The following VPS13C variants were observed in gnomAD, a reference collection of about 807,000 sequenced individuals.
VPS13C encodes vacuolar protein sorting 13 homolog C.
In VPS13C, 358 loss-of-function variants were observed where a neutral mutation model predicts 456.8. That is an observed-to-expected ratio of 0.78 (90% CI 0.72 to 0.86). The LOEUF (loss-of-function observed/expected upper bound fraction) is 0.86, where lower values mean the gene tolerates loss of function less well. Ranked by LOEUF, VPS13C falls within the 40% of genes least tolerant of loss-of-function variation. The pLI is 0.00. For synonymous variants in VPS13C, 1,578 were observed against 1,486.7 expected (o/e 1.06, Z -1.41); for missense variants, 4,818 against 4,385.4 (o/e 1.10, Z -2.79).
chr15:61,957,807 AGTGCT>A (rs2045057672), intron 37 of VPS13C, among the ~76,000 whole-genome samples: 1 of 152,156 alleles, frequency 6.6e-6, no homozygotes, highest in Non-Finnish European at 1.5e-5. Flanking sequence ...AAAAATGTCT[AGTGCT>A]AGGAACTTGC....
intron 47 of VPS13C, among the ~76,000 whole-genome samples, chr15:61,939,235 C>G (rs1240907355): frequency 6.6e-6 from 1 of 152,038 alleles, no homozygotes; most frequent in Non-Finnish European, 1.5e-5. Context: ...AAGGGAGAGC[C>G]AAATATTAGT....
rs1190679684 is a variant in VPS13C, at chr15:62,044,200, A to C, written c.144+12T>G. 6.8e-7 allele frequency: 1 copy of C among 1,477,566 alleles called. No individual in the cohort carries two copies. The allele number at this position is 1,477,566 out of a possible 1,614,324, so 91.5% of individuals were successfully genotyped here. On this transcript the variant is annotated intron_variant, in intron 2 of 84. Coordinates refer to ENST00000644861, the MANE Select transcript of VPS13C (RefSeq NM_020821.3). ...TTAAGTGAGTTATTAGCATAGTTTA[A>C]AAAAAACTTACCAGGGCATTTTCTT...
At chr15:61,998,426 G>C (rs370016301) in intron 16 of VPS13C, among the ~76,000 whole-genome samples, 12 of 152,100 alleles carry the variant, frequency 7.9e-5, no homozygotes, top group African/African-American at 2.9e-4. Context: ...TAATGCAAAT[G>C]ATAATGACAA....
chr15:61,923,861 C>CTTTTTTTTTTTTTTTTT (rs1188960583), intron 53 of VPS13C, among the ~76,000 whole-genome samples: 1 of 75,144 alleles, frequency 1.3e-5, no homozygotes, highest in Non-Finnish European at 2.4e-5. Flanking sequence ...CCCTCTAAAT[C>CTTTTTTTTTTTTTTTTT]TTTTTTTTTT....
At chr15:61,902,806 T>C (rs2043040434) in intron 66 of VPS13C, among the ~76,000 whole-genome samples, 1 of 151,650 alleles carries the variant, frequency 6.6e-6, no homozygotes, top group Non-Finnish European at 1.5e-5. Flanking sequence ...ATGCCCACTT[T>C]CACCATTTTT....
rs1366843442 is a variant in VPS13C at position 61,865,997 on chromosome 15, A to G, written c.10864-2469T>C. 17 of 983,524 alleles carry G rather than the reference A, an allele frequency of 1.7e-5. No homozygotes were observed. In the South Asian group the frequency reaches 5.2e-4, roughly 30 times the overall value. 60.9% of individuals were successfully genotyped at this position (983,524 alleles called of 1,614,324 possible). On this transcript the variant is annotated intron_variant, in intron 81 of 84. Transcript: ENST00000644861. ...ATATTACAAAGGGCTAAAAAGATAT[A>G]CTTTTATACTCTAATACTCTTTAAT... is the stretch of plus-strand genomic sequence containing the variant.
At chr15:61,961,513 T>C (rs1302329610) in intron 35 of VPS13C, 76 bp downstream of exon 35, 28 of 1,380,084 alleles carry the variant, frequency 2.0e-5, no homozygotes, top group Non-Finnish European at 2.5e-5. Context: ...CTGTGTTGGG[T>C]AGGAATTTCA....
chr15:62,029,539 G>C (rs1356201806), intron 5 of VPS13C, among the ~76,000 whole-genome samples: 1 of 151,978 alleles, frequency 6.6e-6, no homozygotes, highest in Non-Finnish European at 1.5e-5. Context: ...TGTCTACCCT[G>C]ATCTCTTTGG....
At chr15:62,021,147 G>T (rs912710355) in intron 8 of VPS13C, among the ~76,000 whole-genome samples, 1 of 151,876 alleles carries the variant, frequency 6.6e-6, no homozygotes, top group Non-Finnish European at 1.5e-5. Context: ...AAAGGGTAGG[G>T]TGGGTGAGAA....
intron 66 of VPS13C, among the ~76,000 whole-genome samples, chr15:61,902,278 CGT>C (rs1442288962): frequency 1.3e-5 from 2 of 148,200 alleles, no homozygotes; most frequent in African/African-American, 5.0e-5. Flanking sequence ...AGAAAAAAAA[CGT>C]AAAAAAAAAA....
Position 61,999,345 on chromosome 15 carries a change from A to T in VPS13C, c.1353+1219T>A, listed in dbSNP as rs192238113. On this transcript the variant is annotated intron_variant, in intron 16 of 84. Coordinates refer to ENST00000644861, the MANE Select transcript of VPS13C (RefSeq NM_020821.3). ...CAGTGACCCAAGATTGCGCCACTGC[A>T]CTCCAGCCTGGACAACAGAGCAAGA... 3.4e-3 allele frequency among the ~76,000 whole-genome samples: 510 copies of T among 151,206 alleles called. 1 individual carries two copies. The highest frequency in any genetic ancestry group is 0.012 in the African/African-American group (478 of 41,108).
At chr15:61,922,884 TTTAAA>T in intron 53 of VPS13C, 122 bp from the exon 54 acceptor site, 11 of 845,984 alleles carry the variant, frequency 1.3e-5, no homozygotes, top group Non-Finnish European at 1.8e-5. Flanking sequence ...AAATTTTAAT[TTTAAA>T]TTAAAGTAAC....
intron 12 of VPS13C, among the ~76,000 whole-genome samples, 186 bp from the exon 13 acceptor site, chr15:62,010,785 G>A (rs79478904): frequency 0.011 from 1,684 of 152,222 alleles, 41 homozygotes; most frequent in African/African-American, 0.039. Flanking sequence ...TAATAAGCTC[G>A]ATGGTTAAAG....
chr15:61,912,261 T>C (rs2043323656), intron 62 of VPS13C, among the ~76,000 whole-genome samples: 1 of 152,198 alleles, frequency 6.6e-6, no homozygotes, highest in African/African-American at 2.4e-5. Flanking sequence ...ATTTAATACG[T>C]CTAGCATTCT....
Position 61,991,046 on chromosome 15 carries a change from G to A in VPS13C, c.1532C>T (p.Ala511Val). The A allele has an allele frequency of 2.5e-6, 4 of 1,612,436 alleles. No individual in the cohort carries two copies. The African/African-American group carries it at 4.0e-5, about 16-fold the overall frequency. The change falls in exon 18 of 85, where the codon GCC becomes GTC. Residue 511 changes from alanine (A) to valine (V), a missense_variant. Transcript: ENST00000644861. ...GTGGGTACTCTCACTATAACCAATG[G>A]CAGTGAAGAGTTTATCTTTTTCCTC... Reference protein sequence around the residue: ...TPEEKDKLFTAIGYSESTHNL... With the variant: ...TPEEKDKLFTVIGYSESTHNL...
intron 36 of VPS13C, 131 bp from the exon 37 acceptor site, chr15:61,958,847 T>G (rs1290670401): frequency 8.2e-6 from 4 of 486,266 alleles, no homozygotes; most frequent in Non-Finnish European, 1.4e-5. Flanking sequence ...TTACATACAA[T>G]CACAACTCAC....
chr15:61,981,187 T>C (rs573907333), intron 22 of VPS13C, among the ~76,000 whole-genome samples, 155 bp downstream of exon 22: 1 of 152,230 alleles, frequency 6.6e-6, no homozygotes, highest in Admixed American at 6.5e-5. Context: ...TCATAAAACA[T>C]ATATAAAATA....
intron 53 of VPS13C, among the ~76,000 whole-genome samples, chr15:61,924,439 T>G (rs1282280496): frequency 6.6e-6 from 1 of 152,242 alleles, no homozygotes; most frequent in Non-Finnish European, 1.5e-5. Flanking sequence ...TTAAGTTTTT[T>G]GACAGCAGGG....
chr15:62,056,549 C>T (rs925894349), intron 1 of VPS13C, among the ~76,000 whole-genome samples: 13 of 152,152 alleles, frequency 8.5e-5, no homozygotes, highest in African/African-American at 2.4e-4. Flanking sequence ...AAAACACCCG[C>T]GACTTAGCAG....
Sources: allele counts gnomAD v4.1 joint callset (sites outside exome capture counted in the v4.1 genomes callset), GRCh38; gene constraint gnomAD v4.1.1; transcripts MANE v1.5; gene names NCBI Gene and HGNC (gene_info 2026-07-23, HGNC 2026-07-21).